Variants in ERCC4 observed in about 807,000 individuals in gnomAD.
ERCC4 encodes the protein ERCC excision repair 4, endonuclease catalytic subunit.
Under a neutral mutation model 76.9 loss-of-function variants are expected in ERCC4, and 65 were observed. The ratio of observed to expected loss-of-function variants is 0.84; its 90% CI spans 0.69 to 1.04. The LOEUF (loss-of-function observed/expected upper bound fraction) is 1.04, where lower values mean the gene tolerates loss of function less well. Among genes scored for constraint, ERCC4 ranks in the 50% least tolerant of loss-of-function variants. The probability of loss-of-function intolerance (pLI) is 0.00; values close to 1 mark genes in which losing one functional copy is unlikely to be tolerated. For synonymous variants in ERCC4, 463 were observed against 410.1 expected (o/e 1.13, Z -1.56); for missense variants, 1,214 against 1,128.2 (o/e 1.08, Z -1.09).
chr16:13,937,844 T>C lies in ERCC4; in HGVS notation c.1890T>C (p.Phe630=), dbSNP rs1028415080. The part of the protein sequence containing the change: ...LTALRKEKEA[F]EKLIREKASM... The stretch of plus-strand genomic sequence containing the variant: ...CTTTGCGGAAAGAAAAGGAAGCTTT[T>C]GAAAAACTCATAAGGTAATACATAG... Residue 630 remains phenylalanine (F), a synonymous_variant, in exon 9 of 11, where the codon TTT becomes TTC. Transcript: ENST00000311895. 29 of 1,610,164 alleles carry C rather than the reference T, an allele frequency of 1.8e-5. No individual in the cohort carries two copies. Among genetic ancestry groups the C allele is most frequent in the Non-Finnish European group, 2.4e-5 (28 of 1,176,572 alleles).
At chr16:13,925,695 AAGGTAACC>A (rs1396009325) in intron 2 of ERCC4, among the ~76,000 whole-genome samples, 2 of 152,206 alleles carry the variant, frequency 1.3e-5, no homozygotes, top group African/African-American at 4.8e-5. Flanking sequence ...AAATATATAT[AAGGTAACC>A]AGCTTGATTT....
chr16:13,948,573 C>T lies in ERCC4; in HGVS notation c.*226C>T. 1.8e-6 allele frequency: 1 copy of T among 557,496 alleles called. No individual in the cohort carries two copies. The highest frequency in any genetic ancestry group is 3.1e-5 in the Admixed American group (1 of 32,028). The allele number at this position is 557,496 out of a possible 1,614,324, so 34.5% of individuals were successfully genotyped here. A position where few individuals can be genotyped will look rare whatever the true frequency, so the allele number is the denominator to read the frequency against. ...TCCTCCCTGCACCGTCTATGCCGGGCTTAGCATGTTTCTTTTTAAATGAGG... is the reference window on the plus strand; with the variant it reads ...TCCTCCCTGCACCGTCTATGCCGGGTTTAGCATGTTTCTTTTTAAATGAGG... On this transcript the variant is annotated 3_prime_UTR_variant, in exon 11 of 11. Transcript: ENST00000311895.
intron 1 of ERCC4, 129 bp downstream of exon 1, chr16:13,920,501 C>G: frequency 1.1e-6 from 1 of 871,244 alleles, no homozygotes; most frequent in Non-Finnish European, 1.8e-6. Flanking sequence ...TACGCGATGA[C>G]ACAGAGAAGG....
At chr16:13,929,392 A>G (rs3136101) in intron 4 of ERCC4, among the ~76,000 whole-genome samples, 327 of 152,304 alleles carry the variant, frequency 2.1e-3, no homozygotes, top group African/African-American at 7.4e-3. Context: ...ATAGTGTATC[A>G]TTTCTTTTTC....
At chr16:13,931,881 G>C in intron 5 of ERCC4, 1 of 398,078 alleles carries the variant, frequency 2.5e-6, no homozygotes, top group Non-Finnish European at 4.5e-6. Flanking sequence ...TGTCAACGCA[G>C]TGAAAAAAGT....
At position 13,934,386 on chromosome 16, in the gene ERCC4, A is replaced by G. The variant is rs148776610; in HGVS notation, c.1213+84A>G. On this transcript the variant is annotated intron_variant, in intron 7 of 10. Coordinates refer to ENST00000311895, the MANE Select transcript of ERCC4 (RefSeq NM_005236.3). ...TAATTAGCTCTTTAAAAGTAGTTCAAGACTAGCCTGACCAACATGGTGAAA... is the reference window on the plus strand; with the variant it reads ...TAATTAGCTCTTTAAAAGTAGTTCAGGACTAGCCTGACCAACATGGTGAAA... The G allele has an allele frequency of 5.7e-4, 508 of 894,516 alleles. 1 individual carries two copies. The African/African-American group carries it at 7.5e-3, about 13-fold the overall frequency. 55.4% of individuals were successfully genotyped at this position (894,516 alleles called of 1,614,324 possible).
chr16:13,932,362 GTCT>G, intron 6 of ERCC4, 77 bp downstream of exon 6: 3 of 1,338,348 alleles, frequency 2.2e-6, no homozygotes, highest in Non-Finnish European at 3.2e-6. Context: ...GCAATTTAAA[GTCT>G]TCTTTGGCCA....
In ERCC4 at chr16:13,947,644, G is replaced by C. The variant is rs1254088258; in HGVS notation, c.2048G>C (p.Ser683Thr). ...CAGGAACAGAATGGTACACAGCAAA[G>C]CATAGTTGTGGATATGCGTGAATTT... is the stretch of plus-strand genomic sequence containing the variant. The part of the protein sequence containing the change: ...GGQEQNGTQQ[S>T]IVVDMREFRS... Residue 683 changes from serine to threonine, a missense_variant, in exon 11 of 11, where the codon AGC becomes ACC. Ser to Thr is a moderately conservative substitution (Grantham distance 58). Transcript: ENST00000311895. 1 of 1,614,184 alleles carries C rather than the reference G, an allele frequency of 6.2e-7. No individual in the cohort carries two copies. Among genetic ancestry groups the C allele is most frequent in the Non-Finnish European group, 8.5e-7 (1 of 1,180,046 alleles).
chr16:13,924,761 T>C (rs1453555498), intron 2 of ERCC4, among the ~76,000 whole-genome samples: 1 of 152,240 alleles, frequency 6.6e-6, no homozygotes, highest in East Asian at 1.9e-4. Context: ...CTTGGTAGCA[T>C]GGCACATAGT....
At chr16:13,925,301 A>T (rs1278626003) in intron 2 of ERCC4, among the ~76,000 whole-genome samples, 1 of 152,134 alleles carries the variant, frequency 6.6e-6, no homozygotes, top group Non-Finnish European at 1.5e-5. Flanking sequence ...GTTCATTTTT[A>T]TTATTCTTGA....
Position 13,944,703 on chromosome 16 carries a change from G to A in ERCC4, c.1905-20G>A, listed in dbSNP as rs780224931. 1.3e-6 allele frequency: 2 copies of A among 1,522,840 alleles called. No individual in the cohort carries two copies. Among genetic ancestry groups the A allele is most frequent in the Middle Eastern group, 1.7e-4 (1 of 5,872 alleles). The allele number at this position is 1,522,840 out of a possible 1,614,324, so 94.3% of individuals were successfully genotyped here. A position where few individuals can be genotyped will look rare whatever the true frequency, so the allele number is the denominator to read the frequency against. ...TTTTGAAATTTGTTTCAGAAGTGTTGACAATGTTTTCTCCCACAGGGAAAA... is the reference window on the plus strand; with the variant it reads ...TTTTGAAATTTGTTTCAGAAGTGTTAACAATGTTTTCTCCCACAGGGAAAA... On this transcript the variant is annotated intron_variant, in intron 9 of 10. Coordinates refer to ENST00000311895, the MANE Select transcript of ERCC4 (RefSeq NM_005236.3).
At chr16:13,940,925 T>C (rs1325560572) in intron 9 of ERCC4, among the ~76,000 whole-genome samples, 1 of 152,196 alleles carries the variant, frequency 6.6e-6, no homozygotes, top group Non-Finnish European at 1.5e-5. Flanking sequence ...AGGAGCCTGA[T>C]AGAATGGGAG....
Position 13,934,012 on chromosome 16 carries a change from T to C in ERCC4, c.1103-180T>C, listed in dbSNP as rs1044277885. 9.2e-6 allele frequency: 5 copies of C among 546,030 alleles called. No homozygotes were observed. The African/African-American group carries it at 9.5e-5, about 10-fold the overall frequency. The allele number at this position is 546,030 out of a possible 1,614,324, so 33.8% of individuals were successfully genotyped here. On this transcript the variant is annotated intron_variant, in intron 6 of 10. Coordinates refer to ENST00000311895, the MANE Select transcript of ERCC4 (RefSeq NM_005236.3). ...GCCATATTAATGGTTTGAAGTATCT[T>C]TCATTTACACCTTAAGTAGATCTTT...
Position 13,950,522 on chromosome 16 carries a change from T to C in ERCC4, c.*2175T>C. ...TAATTTTTTCCCAGGATTCAAAATA[T>C]ACCCGCTAGAATGGAAAACAAAAAT... is the stretch of plus-strand genomic sequence containing the variant. On this transcript the variant is annotated 3_prime_UTR_variant, in exon 11 of 11. Coordinates refer to ENST00000311895, the MANE Select transcript of ERCC4 (RefSeq NM_005236.3). The C allele has an allele frequency of 5.2e-6, 1 of 192,596 alleles. No homozygotes were observed. Among genetic ancestry groups the C allele is most frequent in the East Asian group, 8.2e-5 (1 of 12,132 alleles). 11.9% of individuals were successfully genotyped at this position (192,596 alleles called of 1,614,324 possible).
chr16:13,928,509 T>C (rs1434176030), intron 4 of ERCC4, among the ~76,000 whole-genome samples: 1 of 152,168 alleles, frequency 6.6e-6, no homozygotes, highest in Non-Finnish European at 1.5e-5. Context: ...AATAACTTTT[T>C]TTACTTTGAA....
intron 2 of ERCC4, among the ~76,000 whole-genome samples, chr16:13,926,109 T>C (rs1426562858): frequency 6.6e-6 from 1 of 152,068 alleles, no homozygotes; most frequent in Non-Finnish European, 1.5e-5. Context: ...CCACATCTGA[T>C]TCATACATTA....
chr16:13,931,143 G>T (rs1272733725), intron 5 of ERCC4: 2 of 488,724 alleles, frequency 4.1e-6, no homozygotes, highest in Non-Finnish European at 7.3e-6. Flanking sequence ...AAAAGACTGT[G>T]TGTAGTACAG....
At chr16:13,935,842 C>T (rs1255732091) in intron 8 of ERCC4, 99 bp downstream of exon 8, 7 of 927,120 alleles carry the variant, frequency 7.6e-6, no homozygotes, top group East Asian at 2.4e-5. Context: ...ATATCCGTTA[C>T]GATGCTGCTT....
In ERCC4 at chr16:13,948,102, G is replaced by A. The variant is rs749688539; in HGVS notation, c.2506G>A (p.Glu836Lys). The change falls in exon 11 of 11, where the codon GAA becomes AAA. Residue 836 changes from glutamate (E) to lysine (K), a missense_variant. Transcript: ENST00000311895. Reference sequence around the variant, plus strand: ...AGCACTGGCCATTACAGCAGATTCTGAAACCCTTCCCGAGTCAGAGAAGTA... The same window carrying A: ...AGCACTGGCCATTACAGCAGATTCTAAAACCCTTCCCGAGTCAGAGAAGTA... ...ATALAITADSETLPESEKYNP... is the reference protein window; with the variant it reads ...ATALAITADSKTLPESEKYNP... 27 of 1,614,024 alleles carry A rather than the reference G, an allele frequency of 1.7e-5. No homozygotes were observed. Among genetic ancestry groups the A allele is most frequent in the Non-Finnish European group, 2.2e-5 (26 of 1,180,026 alleles).
Sources: gnomAD v4.1 joint callset for allele counts (sites outside exome capture counted in the v4.1 genomes callset) on GRCh38, gnomAD v4.1.1 for gene constraint, MANE v1.5 for transcripts, NCBI Gene and HGNC (gene_info 2026-07-23, HGNC 2026-07-21) for gene names.